Variants in DCC observed in about 807,000 individuals in gnomAD.
DCC encodes DCC netrin 1 receptor.
In DCC, 58 loss-of-function variants were observed where a neutral mutation model predicts 172.5. The observed-to-expected ratio is 0.34, with a 90% CI of 0.27 to 0.42. The LOEUF is 0.42. DCC is among the 10% of genes least tolerant of loss of function. The pLI is 1.00. For missense variants in DCC, 1,740 were observed against 1,791.0 expected (o/e 0.97, Z 0.51); for synonymous variants, 709 against 644.5 (o/e 1.10, Z -1.52).
intron 17 of DCC, among the ~76,000 whole-genome samples, chr18:53,396,081 A>G (rs1908920482): frequency 1.3e-5 from 2 of 151,746 alleles, no homozygotes; most frequent in Non-Finnish European, 2.9e-5. Flanking sequence ...TTTCATAACT[A>G]TAACCTAAGA....
chr18:53,350,395 T>C (rs1423813216), intron 15 of DCC, among the ~76,000 whole-genome samples: 1 of 152,186 alleles, frequency 6.6e-6, no homozygotes, highest in Non-Finnish European at 1.5e-5. Context: ...CATAGGTTAT[T>C]TCCATGAATA....
chr18:53,264,429 T>C (rs954812021), intron 12 of DCC, among the ~76,000 whole-genome samples: 2 of 148,792 alleles, frequency 1.3e-5, no homozygotes, highest in South Asian at 2.1e-4. Context: ...TGAGCTGAGA[T>C]TGCGCCACTG....
chr18:53,465,500 T>A (rs908735067), intron 24 of DCC, among the ~76,000 whole-genome samples: 4 of 152,026 alleles, frequency 2.6e-5, no homozygotes, highest in African/African-American at 9.7e-5. Context: ...ACTTCTAAGA[T>A]TTTTTTGTTG....
At chr18:53,128,338 G>A (rs1353526282) in intron 7 of DCC, among the ~76,000 whole-genome samples, 2 of 152,052 alleles carry the variant, frequency 1.3e-5, no homozygotes, top group African/African-American at 4.8e-5. Context: ...AAGAGATGTT[G>A]CATAGAAAGA....
chr18:53,351,310 T>C (rs1483101486), intron 15 of DCC, among the ~76,000 whole-genome samples: 1 of 30,932 alleles, frequency 3.2e-5, no homozygotes, highest in East Asian at 1.0e-3. Context: ...TATATATATA[T>C]ATATACACTG....
At chr18:53,405,717 C>T (rs2145044040) in intron 19 of DCC, among the ~76,000 whole-genome samples, 1 of 152,226 alleles carries the variant, frequency 6.6e-6, no homozygotes, top group African/African-American at 2.4e-5. Flanking sequence ...GAAAATGATT[C>T]AAAATACATT....
At chr18:52,550,455 C>A (rs2144721359) in intron 1 of DCC, among the ~76,000 whole-genome samples, 1 of 152,220 alleles carries the variant, frequency 6.6e-6, no homozygotes, top group South Asian at 2.1e-4. Context: ...TGAACGGTTT[C>A]TCACTTGGCA....
At chr18:52,375,663 G>T (rs536632192) in intron 1 of DCC, among the ~76,000 whole-genome samples, 2 of 152,212 alleles carry the variant, frequency 1.3e-5, no homozygotes, top group East Asian at 3.9e-4. Context: ...GGGAAGTCTT[G>T]TCTCACAATT....
At chr18:52,451,479 G>A (rs1353331761) in intron 1 of DCC, among the ~76,000 whole-genome samples, 2 of 152,144 alleles carry the variant, frequency 1.3e-5, no homozygotes, top group African/African-American at 2.4e-5. Context: ...AAGCCTCACT[G>A]TGTTAAACCA....
rs371636122 is a variant in DCC at position 52,708,315 on chromosome 18, G to A, written c.92-43739G>A. Among the ~76,000 whole-genome samples the A allele has an allele frequency of 7.4e-4, 113 of 152,044 alleles. 1 individual carries two copies. The East Asian group carries it at 0.02, about 27-fold the overall frequency. On this transcript the variant is annotated intron_variant, in intron 1 of 28. Coordinates refer to ENST00000442544, the MANE Select transcript of DCC (RefSeq NM_005215.4). ...AAGTTAGCTGGGCGTGGTGGCGGGC[G>A]CCTGTAGTCCCAGCTACTTGGGAGG...
intron 2 of DCC, among the ~76,000 whole-genome samples, chr18:52,813,460 C>T (rs924540540): frequency 5.3e-5 from 8 of 152,170 alleles, no homozygotes; most frequent in Admixed American, 1.3e-4. Context: ...TATCAACTGT[C>T]ACAAACCAGG....
At chr18:53,292,204 G>T (rs979015187) in intron 12 of DCC, among the ~76,000 whole-genome samples, 36 of 148,512 alleles carry the variant, frequency 2.4e-4, no homozygotes, top group Non-Finnish European at 2.7e-4. Flanking sequence ...GGTTGGTTTT[G>T]CTTAGTTAGC....
chr18:52,592,034 G>T (rs538196022), intron 1 of DCC, among the ~76,000 whole-genome samples: 2 of 152,174 alleles, frequency 1.3e-5, no homozygotes, highest in African/African-American at 2.4e-5. Context: ...TGGAGAAAAA[G>T]AAATGGAAGT....
At chr18:53,154,410 G>C (rs1002955861) in intron 7 of DCC, among the ~76,000 whole-genome samples, 10 of 152,180 alleles carry the variant, frequency 6.6e-5, no homozygotes, top group African/African-American at 2.2e-4. Context: ...TGGTCAGCAG[G>C]AGTCAGGCCA....
chr18:53,319,547 C>G (rs937252410), intron 13 of DCC, among the ~76,000 whole-genome samples: 1 of 152,228 alleles, frequency 6.6e-6, no homozygotes, highest in Non-Finnish European at 1.5e-5. Context: ...TGTTAGCAGA[C>G]TTTGCTTTGC....
chr18:53,298,215 C>T (rs2057089690), intron 12 of DCC, among the ~76,000 whole-genome samples: 1 of 151,992 alleles, frequency 6.6e-6, no homozygotes. Context: ...CTCTCTTTTT[C>T]AGTATGTACA....
intron 2 of DCC, among the ~76,000 whole-genome samples, chr18:52,843,595 G>A (rs11877950): frequency 0.027 from 4,071 of 152,146 alleles, 161 homozygotes; most frequent in African/African-American, 0.09. Flanking sequence ...CTTAAACCCC[G>A]TTGTTTCCTT....
At chr18:53,064,926 AT>A (rs1568280691) in intron 6 of DCC, among the ~76,000 whole-genome samples, 1 of 152,052 alleles carries the variant, frequency 6.6e-6, no homozygotes, top group African/African-American at 2.4e-5. Context: ...GGCAACATTT[AT>A]TTTTTTCTAC....
At chr18:53,065,948 T>C in intron 6 of DCC, 98 bp from the exon 7 acceptor site, 1 of 1,432,846 alleles carries the variant, frequency 7.0e-7, no homozygotes, top group South Asian at 1.2e-5. Context: ...TTGTTTCTTC[T>C]GTGCTGTTTT....
Sources: allele counts gnomAD v4.1 joint callset (sites outside exome capture counted in the v4.1 genomes callset), GRCh38; gene constraint gnomAD v4.1.1; transcripts MANE v1.5; gene names NCBI Gene and HGNC (gene_info 2026-07-23, HGNC 2026-07-21).